Variants in CADPS2 observed in about 807,000 individuals in gnomAD.
The protein encoded by CADPS2 is calcium-dependent secretion activator 2.
A neutral mutation model predicts 172.5 loss-of-function variants in CADPS2; 93 were observed. The observed-to-expected ratio is 0.54, with a 90% CI of 0.46 to 0.64. The LOEUF is 0.64. CADPS2 is among the 30% of genes least tolerant of loss of function. The pLI, the probability that CADPS2 is intolerant of heterozygous loss-of-function variation, is 0.00. For missense variants in CADPS2, 1,420 were observed against 1,565.9 expected, an observed-to-expected ratio of 0.91 and a Z score of 1.57; for synonymous variants, 546 against 555.2, an observed-to-expected ratio of 0.98 and a Z score of 0.23.
intron 1 of CADPS2, among the ~76,000 whole-genome samples, chr7:122,750,862 A>G (rs1211767649): frequency 6.6e-6 from 1 of 152,156 alleles, no homozygotes; most frequent in Non-Finnish European, 1.5e-5. Flanking sequence ...ATATTCAGCT[A>G]TAGGTTTGGG....
chr7:122,762,503 CAGAGA>C (rs1278622350), intron 1 of CADPS2, among the ~76,000 whole-genome samples: 1 of 152,020 alleles, frequency 6.6e-6, no homozygotes, highest in Non-Finnish European at 1.5e-5. Flanking sequence ...AAACTAAGAA[CAGAGA>C]AAAGACTTCA....
rs945009757 is a variant in CADPS2 at position 122,725,387 on chromosome 7, GTGGA to G, written c.453+11564_453+11567del. The stretch of plus-strand genomic sequence containing the variant: ...TGCATATGCGTGTGTGTGTGTATAT[GTGGA>G]TGGATGGATGGATGGATAGATTGAT... On this transcript the variant is annotated intron_variant, in intron 2 of 29. Coordinates refer to ENST00000449022, the MANE Select transcript of CADPS2 (RefSeq NM_017954.11). Among the ~76,000 whole-genome samples, 16 of 151,696 alleles carry G rather than the reference GTGGA, an allele frequency of 1.1e-4. 1 individual carries two copies. Among genetic ancestry groups the G allele is most frequent in the African/African-American group, 1.5e-4 (6 of 41,298 alleles).
At chr7:122,556,765 G>C (rs931193217) in intron 7 of CADPS2, among the ~76,000 whole-genome samples, 1 of 152,070 alleles carries the variant, frequency 6.6e-6, no homozygotes, top group Admixed American at 6.6e-5. Flanking sequence ...ACTATGTGAG[G>C]ATACACAAAG....
intron 1 of CADPS2, among the ~76,000 whole-genome samples, chr7:122,788,881 C>A (rs1375562005): frequency 1.3e-5 from 2 of 152,134 alleles, no homozygotes; most frequent in African/African-American, 4.8e-5. Flanking sequence ...AACTAGCCAC[C>A]AGCACTGAGG....
At chr7:122,883,340 C>G (rs533569926) in intron 1 of CADPS2, among the ~76,000 whole-genome samples, 1 of 152,116 alleles carries the variant, frequency 6.6e-6, no homozygotes, top group Non-Finnish European at 1.5e-5. Flanking sequence ...AATGAGGACC[C>G]TTTCAGATCT....
intron 9 of CADPS2, among the ~76,000 whole-genome samples, chr7:122,505,729 C>A (rs1026231533): frequency 6.6e-6 from 1 of 152,172 alleles, no homozygotes; most frequent in Non-Finnish European, 1.5e-5. Flanking sequence ...GTTTCGAATA[C>A]ATCAACTCCA....
chr7:122,871,814 T>C (rs1042276612), intron 1 of CADPS2, among the ~76,000 whole-genome samples: 2 of 152,128 alleles, frequency 1.3e-5, no homozygotes, highest in African/African-American at 4.8e-5. Context: ...ACATGGACCA[T>C]CCTAGTTTTC....
At chr7:122,351,091 C>T (rs535054630) in intron 27 of CADPS2, among the ~76,000 whole-genome samples, 5 of 151,204 alleles carry the variant, frequency 3.3e-5, no homozygotes, top group South Asian at 4.2e-4. Flanking sequence ...CCAGACTGGG[C>T]GTGGTGATTC....
At chr7:122,679,343 A>C (rs1322381783) in intron 2 of CADPS2, among the ~76,000 whole-genome samples, 1 of 142,894 alleles carries the variant, frequency 7.0e-6, no homozygotes, top group Admixed American at 7.7e-5. Flanking sequence ...AACATGCCCT[A>C]CTCTCCTGCA....
intron 1 of CADPS2, among the ~76,000 whole-genome samples, chr7:122,819,721 T>C (rs1425189302): frequency 6.6e-6 from 1 of 152,110 alleles, no homozygotes; most frequent in Non-Finnish European, 1.5e-5. Context: ...CTTCCCTGAC[T>C]ATTCCTGGAC....
chr7:122,657,942 G>A (rs1432871723), intron 3 of CADPS2, among the ~76,000 whole-genome samples: 1 of 152,140 alleles, frequency 6.6e-6, no homozygotes, highest in East Asian at 1.9e-4. Flanking sequence ...TGCCATCAGA[G>A]TGAACAGGCA....
At chr7:122,858,345 T>C (rs1006535975) in intron 1 of CADPS2, among the ~76,000 whole-genome samples, 29 of 152,134 alleles carry the variant, frequency 1.9e-4, no homozygotes, top group Non-Finnish European at 1.5e-5. Flanking sequence ...TCTAACAAAA[T>C]GGTTTTAAAT....
At chr7:122,399,687 T>C (rs1020846579) in intron 20 of CADPS2, among the ~76,000 whole-genome samples, 4 of 61,084 alleles carry the variant, frequency 6.5e-5, no homozygotes, top group African/African-American at 2.1e-4. Flanking sequence ...TTTTTTTTTT[T>C]TTTTTTTTTT....
intron 1 of CADPS2, among the ~76,000 whole-genome samples, chr7:122,773,474 G>A (rs545357298): frequency 4.4e-4 from 67 of 151,886 alleles, no homozygotes; most frequent in Middle Eastern, 3.4e-3. Flanking sequence ...AGATACCTTC[G>A]GAAAAGATAG....
intron 8 of CADPS2, among the ~76,000 whole-genome samples, chr7:122,520,739 CCAAA>C (rs1292736212): frequency 6.6e-6 from 1 of 152,092 alleles, no homozygotes; most frequent in Non-Finnish European, 1.5e-5. Context: ...CACAAATTCT[CCAAA>C]CACATTACTA....
chr7:122,452,386 TAA>T (rs998259711), intron 14 of CADPS2, among the ~76,000 whole-genome samples: 16 of 152,172 alleles, frequency 1.1e-4, no homozygotes, highest in African/African-American at 3.9e-4. Context: ...ATTTCCTACC[TAA>T]TTAGTTTATT....
intron 6 of CADPS2, among the ~76,000 whole-genome samples, chr7:122,588,071 T>G (rs1426556751): frequency 6.6e-6 from 1 of 152,114 alleles, no homozygotes; most frequent in Non-Finnish European, 1.5e-5. Context: ...CGTAAATTTT[T>G]TTCTTGTAAA....
intron 1 of CADPS2, among the ~76,000 whole-genome samples, chr7:122,738,142 T>C (rs1280706453): frequency 4.6e-5 from 7 of 152,116 alleles, no homozygotes; most frequent in Non-Finnish European, 8.8e-5. Flanking sequence ...GAGGGTGAAT[T>C]AGACATGAAA....
chr7:122,803,444 T>G (rs1442932185), intron 1 of CADPS2, among the ~76,000 whole-genome samples: 8 of 152,180 alleles, frequency 5.3e-5, no homozygotes, highest in African/African-American at 9.6e-5. Flanking sequence ...AATCTCATTT[T>G]GGAGTCTGAA....
Sources: allele counts gnomAD v4.1 joint callset (sites outside exome capture counted in the v4.1 genomes callset), GRCh38; gene constraint gnomAD v4.1.1; transcripts MANE v1.5; gene names NCBI Gene and HGNC (gene_info 2026-07-23, HGNC 2026-07-21).